FRYL: variants seen among roughly 807,000 people sequenced by gnomAD.
FRYL encodes protein furry homolog-like.
A neutral mutation model predicts 351.2 loss-of-function variants in FRYL; 150 were observed. That is an observed-to-expected ratio of 0.43 (90% CI 0.37 to 0.49). The LOEUF (loss-of-function observed/expected upper bound fraction) is 0.49. FRYL is among the 20% of genes least tolerant of loss of function. The probability of loss-of-function intolerance (pLI) is 0.00; values close to 1 mark genes in which losing one functional copy is unlikely to be tolerated. For synonymous variants in FRYL, 1,153 were observed against 1,257.1 expected, an observed-to-expected ratio of 0.92 and a Z score of 1.75; for missense variants, 3,036 against 3,619.3, an observed-to-expected ratio of 0.84 and a Z score of 4.13.
intron 1 of FRYL, among the ~76,000 whole-genome samples, chr4:48,723,029 A>G (rs1351186920): frequency 6.6e-6 from 1 of 152,202 alleles, no homozygotes; most frequent in Admixed American, 6.5e-5. Flanking sequence ...GGATCATGCC[A>G]TCAGCAAATT....
intron 1 of FRYL, among the ~76,000 whole-genome samples, chr4:48,749,976 T>A (rs528992699): frequency 5.3e-5 from 8 of 151,852 alleles, no homozygotes; most frequent in Non-Finnish European, 8.8e-5. Flanking sequence ...TTATAAAAAA[T>A]TTTTAAAATT....
At chr4:48,525,641 G>C (rs1725970455) in intron 53 of FRYL, among the ~76,000 whole-genome samples, 1 of 152,116 alleles carries the variant, frequency 6.6e-6, no homozygotes, top group Non-Finnish European at 1.5e-5. Flanking sequence ...ATGTACATGA[G>C]AGTTGATCAG....
intron 3 of FRYL, among the ~76,000 whole-genome samples, chr4:48,640,373 A>G (rs1384607357): frequency 1.3e-5 from 2 of 152,216 alleles, no homozygotes; most frequent in Non-Finnish European, 2.9e-5. Context: ...AAGGAATCTT[A>G]AGTGTGTATT....
rs189529565 is a variant in FRYL at position 48,713,871 on chromosome 4, G to A, written c.-383-3173C>T. Among the ~76,000 whole-genome samples the A allele has an allele frequency of 3.8e-3, 586 of 152,268 alleles. 7 individuals carry two copies. The highest frequency in any genetic ancestry group is 3.0e-3 in the Non-Finnish European group (205 of 68,036). ...TCCAAAATTAACCACATAGTTGGAA[G>A]TAAAGCTCTTCTCAGCAAATGGAAA... On this transcript the variant is annotated intron_variant, in intron 1 of 63. Transcript: ENST00000358350.
At chr4:48,725,971 C>A (rs952279636) in intron 1 of FRYL, among the ~76,000 whole-genome samples, 4 of 151,966 alleles carry the variant, frequency 2.6e-5, no homozygotes, top group Admixed American at 1.3e-4. Flanking sequence ...TAAGGGGAAA[C>A]TACTATATAG....
rs1375676698 is a variant in FRYL, at chr4:48,634,290, C to T, written c.120+1G>A. ...CAGATTTATAGGTCAGCTGTACTCACCAAGGGTTCGGCCATTACAACTTCA... is the reference window on the plus strand; with the variant it reads ...CAGATTTATAGGTCAGCTGTACTCATCAAGGGTTCGGCCATTACAACTTCA... On this transcript the variant is annotated splice_donor_variant, in intron 4 of 63. Transcript: ENST00000358350. LOFTEE classifies it high-confidence loss of function. 6.2e-7 allele frequency: 1 copy of T among 1,609,418 alleles called. No individual in the cohort carries two copies. The highest frequency in any genetic ancestry group is 1.7e-5 in the Admixed American group (1 of 59,976).
intron 3 of FRYL, among the ~76,000 whole-genome samples, chr4:48,648,261 G>A (rs79670552): frequency 0.018 from 2,772 of 152,128 alleles, 83 homozygotes; most frequent in African/African-American, 0.063. Context: ...GCCCATCAAT[G>A]GTTACCTATT....
chr4:48,571,633 A>T (rs1738355335), intron 26 of FRYL: 1 of 984,928 alleles, frequency 1.0e-6, no homozygotes, highest in South Asian at 4.7e-5. Context: ...CCATGACCCA[A>T]TTTTTCTGCC....
chr4:48,500,487 C>T (rs145358196), intron 62 of FRYL, among the ~76,000 whole-genome samples: 1 of 152,166 alleles, frequency 6.6e-6, no homozygotes, highest in East Asian at 1.9e-4. Flanking sequence ...AATATTACTA[C>T]ATTTTGGATA....
At chr4:48,722,147 G>A (rs187138350) in intron 1 of FRYL, among the ~76,000 whole-genome samples, 305 of 152,224 alleles carry the variant, frequency 2.0e-3, no homozygotes, top group South Asian at 6.6e-3. Flanking sequence ...CTTTACCCGA[G>A]GAATTGTTCT....
chr4:48,678,507 CAAAAAAA>C (rs10639089), intron 3 of FRYL, among the ~76,000 whole-genome samples: 27 of 71,770 alleles, frequency 3.8e-4, no homozygotes, highest in Admixed American at 1.2e-3. Flanking sequence ...AACTCCATCT[CAAAAAAA>C]AAAAAAAAAA....
intron 23 of FRYL, 103 bp downstream of exon 23, chr4:48,578,870 T>C: frequency 1.0e-6 from 1 of 967,038 alleles, no homozygotes; most frequent in Non-Finnish European, 1.5e-6. Flanking sequence ...CACATATTAT[T>C]TATGGGCCTT....
chr4:48,549,575 T>TG lies in FRYL; in HGVS notation c.4681dup (p.His1561ProfsTer2). 1 of 1,613,596 alleles carries TG rather than the reference T, an allele frequency of 6.2e-7. No homozygotes were observed. The highest frequency in any genetic ancestry group is 2.2e-5 in the East Asian group (1 of 44,870). On this transcript the variant is annotated frameshift_variant, in exon 39 of 64. Coordinates refer to ENST00000358350, the MANE Select transcript of FRYL (RefSeq NM_015030.2). LOFTEE classifies it high-confidence loss of function. The surrounding 1 kb of genome is among the most constrained non-coding windows in gnomAD (Gnocchi z 4.2). Reference sequence around the variant, plus strand: ...GAAGGGCAGTGGCTCTCCTTGGTTATGCTCCATCACTTTCAGTCGCCAATT... The same window carrying TG: ...GAAGGGCAGTGGCTCTCCTTGGTTATGGCTCCATCACTTTCAGTCGCCAATT...
Position 48,557,637 on chromosome 4 carries a change from T to C in FRYL, c.3941A>G (p.Asn1314Ser), listed in dbSNP as rs1462159976. ...VMLHYLLPWM[N>S]NIELVDLKPL... ...TTTTAAGTCCACCAGCTCGATGTTGTTCATCCATGGTAGCAGGTAGTGCAG... is the reference window on the plus strand; with the variant it reads ...TTTTAAGTCCACCAGCTCGATGTTGCTCATCCATGGTAGCAGGTAGTGCAG... Residue 1314 changes from asparagine to serine, a missense_variant, in exon 34 of 64, where the codon AAC (asparagine) becomes AGC (serine). By Grantham distance (46) the Asn-to-Ser change is conservative. This residue lies in a region of FRYL where 1,987 missense variants were observed against 2,311.7 expected (regional missense o/e 0.86). Coordinates refer to ENST00000358350, the MANE Select transcript of FRYL (RefSeq NM_015030.2). 1.2e-6 allele frequency: 2 copies of C among 1,614,176 alleles called. No homozygotes were observed. Among genetic ancestry groups the C allele is most frequent in the Non-Finnish European group, 1.7e-6 (2 of 1,180,028 alleles).
chr4:48,637,632 T>C (rs1472145236), intron 3 of FRYL: 2 of 152,040 alleles, frequency 1.3e-5, no homozygotes, highest in East Asian at 3.8e-4. Flanking sequence ...AATATAAATC[T>C]ACTAAACTCT....
At position 48,515,250 on chromosome 4, in the gene FRYL, T is replaced by C. The variant is rs1560520209; in HGVS notation, c.7715A>G (p.Glu2572Gly). The part of the protein sequence containing the change: ...PEDTTSVLKE[E>G]HVTTFEDEGS... ...TTCATCTTCAAAGGTTGTAACATGT[T>C]CCTCCTTTAATACTGAAGTTGTATC... is the stretch of plus-strand genomic sequence containing the variant. The change falls in exon 56 of 64, where the codon GAA becomes GGA. Residue 2572 changes from glutamate (E) to glycine (G), a missense_variant. Glu to Gly is a moderately conservative substitution (Grantham distance 98). This residue lies in a region of FRYL where 1,987 missense variants were observed against 2,311.7 expected (regional missense o/e 0.86). Transcript: ENST00000358350. 5 of 1,609,708 alleles carry C rather than the reference T, an allele frequency of 3.1e-6. No homozygotes were observed. Among genetic ancestry groups the C allele is most frequent in the Admixed American group, 1.7e-5 (1 of 59,826 alleles).
intron 28 of FRYL, among the ~76,000 whole-genome samples, chr4:48,566,666 T>G (rs1172147509): frequency 3.3e-5 from 5 of 152,178 alleles, no homozygotes; most frequent in Non-Finnish European, 7.4e-5. Flanking sequence ...TGACTTTAAT[T>G]TTTCAAAGAG....
chr4:48,574,051 T>TC (rs1383815808), intron 25 of FRYL, among the ~76,000 whole-genome samples: 1 of 152,146 alleles, frequency 6.6e-6, no homozygotes, highest in Non-Finnish European at 1.5e-5. Context: ...TTCGTTTCTA[T>TC]CCCCTTAGGA....
intron 1 of FRYL, among the ~76,000 whole-genome samples, chr4:48,750,828 G>A (rs1773182896): frequency 6.6e-6 from 1 of 152,138 alleles, no homozygotes; most frequent in Non-Finnish European, 1.5e-5. Context: ...TATGACCCAA[G>A]ATGGCTACAG....
Sources: allele counts gnomAD v4.1 joint callset (sites outside exome capture counted in the v4.1 genomes callset), GRCh38; gene constraint gnomAD v4.1.1; regional missense constraint gnomAD v4.1.1; non-coding constraint Gnocchi (gnomAD v3.1); transcripts MANE v1.5; gene names NCBI Gene and HGNC (gene_info 2026-07-23, HGNC 2026-07-21).